The following CENPQ variants were observed in gnomAD, a reference collection of about 807,000 sequenced individuals.
The protein encoded by CENPQ is centromere protein Q.
CENPQ carries 27 observed loss-of-function variants against 36.6 expected under a neutral mutation model. The ratio of observed to expected loss-of-function variants is 0.74; its 90% CI spans 0.54 to 1.02. The LOEUF is 1.02. Among genes scored for constraint, CENPQ ranks in the 50% least tolerant of loss-of-function variants. The pLI, the probability that CENPQ is intolerant of heterozygous loss-of-function variation, is 0.00. For missense variants in CENPQ, 306 were observed against 301.8 expected, an observed-to-expected ratio of 1.01 and a Z score of -0.10; for synonymous variants, 101 against 101.7, an observed-to-expected ratio of 0.99 and a Z score of 0.04.
At position 49,472,108 on chromosome 6, in the gene CENPQ, G is replaced by A. The variant is rs552119775; in HGVS notation, c.203G>A (p.Ser68Asn). ...CTAAAACACGGAAAGACAGCAGCCA[G>A]CAAGAGAAAAACCTGGCAACCTCTG... ...TNLKHGKTAA[S>N]KRKTWQPLSK... Residue 68 changes from serine (S) to asparagine (N), a missense_variant, in exon 4 of 9, where the codon AGC becomes AAC. By Grantham distance (46) the Ser-to-Asn change is conservative. Coordinates refer to ENST00000335783, the MANE Select transcript of CENPQ (RefSeq NM_018132.4). 3 of 1,612,700 alleles carry A rather than the reference G, an allele frequency of 1.9e-6. No homozygotes were observed. The highest frequency in any genetic ancestry group is 1.1e-5 in the South Asian group (1 of 90,848).
rs1313556944 is a variant in CENPQ, at chr6:49,476,409, T to C, written c.347+3551T>C. Among the ~76,000 whole-genome samples, 9 of 152,276 alleles carry C rather than the reference T, an allele frequency of 5.9e-5. No individual in the cohort carries two copies. The South Asian group carries it at 1.7e-3, about 28-fold the overall frequency. ...AACTGGATCCCTTCCTTATACCTTA[T>C]ACAAAAATTAATTCAAGGTGGATTA... On this transcript the variant is annotated intron_variant, in intron 5 of 8. Coordinates refer to ENST00000335783, the MANE Select transcript of CENPQ (RefSeq NM_018132.4).
At chr6:49,487,168 A>AAAAAAAAAAAAAGAAGGTCCTGAGTTG in intron 6 of CENPQ, among the ~76,000 whole-genome samples, 1 of 72,352 alleles carries the variant, frequency 1.4e-5, no homozygotes, top group Non-Finnish European at 3.3e-5. Flanking sequence ...AAAAAAAAAA[A>AAAAAAAAAAAAAGAAGGTCCTGAGTTG]ATAAAAAAAA....
chr6:49,464,007 G>T (rs3823114), intron 1 of CENPQ, among the ~76,000 whole-genome samples: 56,341 of 151,932 alleles, frequency 0.37, 10,718 homozygotes, highest in African/African-American at 0.44. Context: ...GGTTTTTTGT[G>T]TTTTTTCCGA....
intron 1 of CENPQ, among the ~76,000 whole-genome samples, chr6:49,465,543 C>T (rs1408801863): frequency 6.6e-6 from 1 of 152,196 alleles, no homozygotes; most frequent in Non-Finnish European, 1.5e-5. Flanking sequence ...TTTAGTGTAG[C>T]CCCTTCATCA....
intron 1 of CENPQ, among the ~76,000 whole-genome samples, chr6:49,464,821 G>C (rs1308691063): frequency 3.9e-5 from 6 of 152,144 alleles, no homozygotes; most frequent in African/African-American, 1.2e-4. Context: ...TTCCTCCACT[G>C]AAGTCTTGAA....
At chr6:49,479,993 A>G (rs1274246321) in intron 5 of CENPQ, among the ~76,000 whole-genome samples, 9 of 152,170 alleles carry the variant, frequency 5.9e-5, no homozygotes, top group Non-Finnish European at 1.2e-4. Context: ...TTGAGAAACT[A>G]CCTATCAGGT....
At chr6:49,474,839 CCA>C (rs1381766914) in intron 5 of CENPQ, among the ~76,000 whole-genome samples, 5 of 151,922 alleles carry the variant, frequency 3.3e-5, no homozygotes, top group African/African-American at 1.2e-4. Context: ...ACCACTGATC[CCA>C]CAGAGATACA....
At chr6:49,468,261 G>C (rs559113785) in intron 1 of CENPQ, among the ~76,000 whole-genome samples, 1 of 151,838 alleles carries the variant, frequency 6.6e-6, no homozygotes, top group Non-Finnish European at 1.5e-5. Context: ...AGTTCCTCTC[G>C]GTGTTGGCCT....
rs754821181 is a variant in CENPQ, at chr6:49,488,701, C to A, written c.675+17C>A. The A allele has an allele frequency of 3.1e-6, 5 of 1,595,350 alleles. No homozygotes were observed. The highest frequency in any genetic ancestry group is 1.3e-5 in the African/African-American group (1 of 74,580). Reference sequence around the variant, plus strand: ...ACACTTCAGGTAAGTGCCTATTTACCATATTGATTACAGGCATACTTTAGA... The same window carrying A: ...ACACTTCAGGTAAGTGCCTATTTACAATATTGATTACAGGCATACTTTAGA... On this transcript the variant is annotated intron_variant, in intron 8 of 8. Transcript: ENST00000335783.
intron 6 of CENPQ, among the ~76,000 whole-genome samples, chr6:49,481,988 C>T (rs994297739): frequency 3.9e-5 from 6 of 152,122 alleles, no homozygotes; most frequent in African/African-American, 1.2e-4. Context: ...AGCTAAGGCC[C>T]GGCGACAAAT....
rs1294969232 is a variant in CENPQ, at chr6:49,487,171, A to T, written c.478-1181A>T. Among the ~76,000 whole-genome samples, 56 of 148,738 alleles carry T rather than the reference A, an allele frequency of 3.8e-4. 14 individuals carry two copies. Among genetic ancestry groups the T allele is most frequent in the African/African-American group, 1.3e-3 (52 of 39,798 alleles). ...TCCATCTCAAAAAAAAAAAAAAAATAAAAAAAATAAAAACAGAGTCTGTTC... is the reference window on the plus strand; with the variant it reads ...TCCATCTCAAAAAAAAAAAAAAAATTAAAAAAATAAAAACAGAGTCTGTTC... On this transcript the variant is annotated intron_variant, in intron 6 of 8. Coordinates refer to ENST00000335783, the MANE Select transcript of CENPQ (RefSeq NM_018132.4).
chr6:49,472,918 C>A, intron 5 of CENPQ, 60 bp downstream of exon 5: 2 of 1,147,218 alleles, frequency 1.7e-6, no homozygotes, highest in African/African-American at 1.6e-5. Flanking sequence ...TGACTTCTTT[C>A]TATGTTGCCA....
At chr6:49,473,653 C>A (rs1768199570) in intron 5 of CENPQ, among the ~76,000 whole-genome samples, 1 of 152,144 alleles carries the variant, frequency 6.6e-6, no homozygotes, top group East Asian at 1.9e-4. Context: ...ATGACAGGAT[C>A]AAATTCACAC....
At chr6:49,468,539 G>T (rs1364196358) in intron 1 of CENPQ, among the ~76,000 whole-genome samples, 1 of 152,044 alleles carries the variant, frequency 6.6e-6, no homozygotes, top group African/African-American at 2.4e-5. Flanking sequence ...GGTTGCAGCA[G>T]TGAGCCGAGA....
rs1768417063 is a variant in CENPQ at position 49,481,085 on chromosome 6, G to A, written c.477+5G>A. 5 of 1,589,974 alleles carry A rather than the reference G, an allele frequency of 3.1e-6. No individual in the cohort carries two copies. The highest frequency in any genetic ancestry group is 2.6e-6 in the Non-Finnish European group (3 of 1,173,016). ...GAAGGTCTGGCATTACTACAGGTAT[G>A]AAATTTGAATAGGGAATCCATAATT... On this transcript the variant is annotated splice_donor_5th_base_variant and intron_variant, in intron 6 of 8. Transcript: ENST00000335783.
chr6:49,472,864 AC>A lies in CENPQ; in HGVS notation c.347+7del, dbSNP rs760753246. 78 of 1,397,636 alleles carry A rather than the reference AC, an allele frequency of 5.6e-5. No homozygotes were observed. In the Middle Eastern group the frequency reaches 3.0e-3, roughly 54 times the overall value. 86.6% of individuals were successfully genotyped at this position (1,397,636 alleles called of 1,614,324 possible). On this transcript the variant is annotated splice_region_variant and intron_variant, in intron 5 of 8. Transcript: ENST00000335783. ...CTCAACTTCCTGAAGAAAAGGTAAT[AC>A]TATTGCATAATTAAAATGATTAAAA...
chr6:49,486,764 T>G lies in CENPQ; in HGVS notation c.478-1588T>G, dbSNP rs192064989. 1.4e-3 allele frequency among the ~76,000 whole-genome samples: 207 copies of G among 152,256 alleles called. 2 individuals carry two copies. The highest frequency in any genetic ancestry group is 4.8e-3 in the African/African-American group (201 of 41,552). ...CTTTAAATCCTTTAGAGCTGTATACTGAAATATTTATAGATAAAATGATAG... is the reference window on the plus strand; with the variant it reads ...CTTTAAATCCTTTAGAGCTGTATACGGAAATATTTATAGATAAAATGATAG... On this transcript the variant is annotated intron_variant, in intron 6 of 8. Coordinates refer to ENST00000335783, the MANE Select transcript of CENPQ (RefSeq NM_018132.4).
rs1259685314 is a variant in CENPQ at position 49,472,854 on chromosome 6, A to G, written c.343A>G (p.Lys115Glu). 7.0e-7 allele frequency: 1 copy of G among 1,432,740 alleles called. No homozygotes were observed. Among genetic ancestry groups the G allele is most frequent in the Non-Finnish European group, 9.5e-7 (1 of 1,055,210 alleles). 88.8% of individuals were successfully genotyped at this position (1,432,740 alleles called of 1,614,324 possible). A position where few individuals can be genotyped will look rare whatever the true frequency, so the allele number is the denominator to read the frequency against. Residue 115 changes from lysine to glutamate, a missense_variant, in exon 5 of 9, where the codon AAA becomes GAA. Transcript: ENST00000335783. Reference sequence around the variant, plus strand: ...ACAATACCATCTCAACTTCCTGAAGAAAAGGTAATACTATTGCATAATTAA... The same window carrying G: ...ACAATACCATCTCAACTTCCTGAAGGAAAGGTAATACTATTGCATAATTAA... Reference protein sequence around the residue: ...EIQYHLNFLKKRLLQQCETLK... With the variant: ...EIQYHLNFLKERLLQQCETLK...
At chr6:49,475,148 A>T (rs1172832537) in intron 5 of CENPQ, among the ~76,000 whole-genome samples, 1 of 151,746 alleles carries the variant, frequency 6.6e-6, no homozygotes, top group Non-Finnish European at 1.5e-5. Context: ...TTTTAGACCG[A>T]TATCCCTGAT....
Sources: allele counts gnomAD v4.1 joint callset (sites outside exome capture counted in the v4.1 genomes callset), GRCh38; gene constraint gnomAD v4.1.1; transcripts MANE v1.5; gene names NCBI Gene and HGNC (gene_info 2026-07-23, HGNC 2026-07-21).